DGKD: variants seen among roughly 807,000 people sequenced by gnomAD.
DGKD encodes the protein DAG kinase delta.
DGKD carries 68 observed loss-of-function variants against 154.4 expected under a neutral mutation model. The ratio of observed to expected loss-of-function variants is 0.44; its 90% CI spans 0.36 to 0.54. The LOEUF (loss-of-function observed/expected upper bound fraction) is 0.54. Ranked by LOEUF, DGKD falls within the 20% of genes least tolerant of loss-of-function variation. The pLI, the probability that DGKD is intolerant of heterozygous loss-of-function variation, is 0.00. For missense variants in DGKD, 1,343 were observed against 1,593.6 expected (o/e 0.84, Z 2.68); for synonymous variants, 693 against 638.0 (o/e 1.09, Z -1.30).
At chr2:233,414,235 G>A (rs116245835) in intron 3 of DGKD, among the ~76,000 whole-genome samples, 1,556 of 152,350 alleles carry the variant, frequency 0.01, 32 homozygotes, top group African/African-American at 0.035. Context: ...GCTACAGACT[G>A]CATTCAGGTC....
intron 18 of DGKD, among the ~76,000 whole-genome samples, chr2:233,453,824 A>G (rs2063367895): frequency 6.8e-6 from 1 of 147,964 alleles, no homozygotes; most frequent in African/African-American, 2.6e-5. Flanking sequence ...GGGTGGGGAG[A>G]AGAAACTTGA....
In DGKD at chr2:233,468,560, C is replaced by G; in HGVS notation, c.3555+7C>G. 6.2e-7 allele frequency: 1 copy of G among 1,613,440 alleles called. No homozygotes were observed. Among genetic ancestry groups the G allele is most frequent in the South Asian group, 1.1e-5 (1 of 91,066 alleles). On this transcript the variant is annotated splice_region_variant and intron_variant, in intron 29 of 29. Coordinates refer to ENST00000264057, the MANE Select transcript of DGKD (RefSeq NM_152879.3). ...GGAGCGGAGGGACCTCAAGGTACTT[C>G]CATAGGCGTCTCCCTGGAACCTGCA... is the stretch of plus-strand genomic sequence containing the variant.
chr2:233,400,110 C>T (rs956355922), intron 3 of DGKD, among the ~76,000 whole-genome samples: 7 of 152,218 alleles, frequency 4.6e-5, no homozygotes, highest in African/African-American at 1.7e-4. Flanking sequence ...TATTGCTGGC[C>T]TTTCCAGTTC....
intron 3 of DGKD, among the ~76,000 whole-genome samples, chr2:233,432,140 C>T (rs2062536214): frequency 6.9e-6 from 1 of 145,134 alleles, no homozygotes; most frequent in South Asian, 2.1e-4. Context: ...GCCTGTAATC[C>T]CAGCACTTTG....
intron 27 of DGKD, among the ~76,000 whole-genome samples, chr2:233,466,151 C>G (rs772192518): frequency 6.6e-6 from 1 of 151,040 alleles, no homozygotes; most frequent in African/African-American, 2.4e-5. Context: ...TGTTACTAGT[C>G]CTTTGAAATG....
chr2:233,403,014 T>C (rs2125489610), intron 3 of DGKD, among the ~76,000 whole-genome samples: 1 of 152,048 alleles, frequency 6.6e-6, no homozygotes, highest in South Asian at 2.1e-4. Context: ...TGGTTAGCCT[T>C]GGGAGGGGAG....
chr2:233,434,921 A>G lies in DGKD; in HGVS notation c.586+20A>G. On this transcript the variant is annotated intron_variant, in intron 5 of 29. Transcript: ENST00000264057. Reference sequence around the variant, plus strand: ...GCGAGGGTACGGATGTGCGTTTGTTATTCTGTCAGGAAAGGTGGCCTGGCA... The same window carrying G: ...GCGAGGGTACGGATGTGCGTTTGTTGTTCTGTCAGGAAAGGTGGCCTGGCA... The G allele has an allele frequency of 1.9e-6, 3 of 1,598,430 alleles. No homozygotes were observed. The highest frequency in any genetic ancestry group is 1.7e-6 in the Non-Finnish European group (2 of 1,172,182).
At chr2:233,362,063 G>T (rs755235602) in intron 1 of DGKD, among the ~76,000 whole-genome samples, 5 of 152,158 alleles carry the variant, frequency 3.3e-5, no homozygotes, top group Non-Finnish European at 7.3e-5. Flanking sequence ...CTCCCAAAGT[G>T]CTGGGATTAC....
At chr2:233,447,999 C>T in intron 12 of DGKD, 88 bp from the exon 13 acceptor site, 1 of 1,585,756 alleles carries the variant, frequency 6.3e-7, no homozygotes, top group Non-Finnish European at 8.6e-7. Flanking sequence ...CTTGTGCTGG[C>T]AAGGAAGTGG....
intron 1 of DGKD, among the ~76,000 whole-genome samples, chr2:233,356,158 C>T (rs1291965653): frequency 6.6e-6 from 1 of 152,224 alleles, no homozygotes; most frequent in Non-Finnish European, 1.5e-5. Flanking sequence ...ATAAAGAATT[C>T]ACCAGGCTAA....
intron 27 of DGKD, 142 bp downstream of exon 27, chr2:233,464,425 C>G: frequency 9.5e-7 from 1 of 1,056,786 alleles, no homozygotes; most frequent in Non-Finnish European, 1.4e-6. Context: ...CTCCAGACTT[C>G]GCTATTAAAA....
In DGKD at chr2:233,389,573, T is replaced by TA. The variant is rs34888206; in HGVS notation, c.268-815dup. On this transcript the variant is annotated intron_variant, in intron 2 of 29. Coordinates refer to ENST00000264057, the MANE Select transcript of DGKD (RefSeq NM_152879.3). ...AAGGGTTCTGACCACTTCCCTCAAT[T>TA]AAAAAAAAAAAAAAACACGACAAAA... is the stretch of plus-strand genomic sequence containing the variant. Among the ~76,000 whole-genome samples the TA allele has an allele frequency of 2.0e-3, 288 of 143,132 alleles. 1 individual carries two copies. Among genetic ancestry groups the TA allele is most frequent in the Middle Eastern group, 3.6e-3 (1 of 278 alleles). 93.9% of individuals were successfully genotyped at this position (143,132 alleles called of 152,430 possible). A position where few individuals can be genotyped will look rare whatever the true frequency, so the allele number is the denominator to read the frequency against.
Position 233,438,392 on chromosome 2 carries a change from TA to T in DGKD, c.1085+17del. The T allele has an allele frequency of 6.2e-7, 1 of 1,600,322 alleles. No individual in the cohort carries two copies. The highest frequency in any genetic ancestry group is 1.1e-5 in the South Asian group (1 of 89,520). ...GCCCACACCTCGGGTAGGAAGCTTG[TA>T]AAATATATCTTTCTTGGAGTTTTAA... On this transcript the variant is annotated intron_variant, in intron 9 of 29. Transcript: ENST00000264057. This position sits in a 1 kb window ranked among gnomAD's most constrained non-coding sequence, Gnocchi z 4.1.
chr2:233,417,325 G>A (rs556142949), intron 3 of DGKD, among the ~76,000 whole-genome samples: 6 of 152,300 alleles, frequency 3.9e-5, no homozygotes, highest in South Asian at 2.1e-4. Flanking sequence ...GAGCCCCTGC[G>A]CCTAGCCCCC....
chr2:233,411,754 AAGATTTTC>A (rs1286896351), intron 3 of DGKD, among the ~76,000 whole-genome samples: 1 of 152,134 alleles, frequency 6.6e-6, no homozygotes, highest in Non-Finnish European at 1.5e-5. Context: ...TCGGCTTGCA[AAGATTTTC>A]TTCTATAAGT....
Position 233,436,368 on chromosome 2 carries a change from G to C in DGKD, c.746G>C (p.Cys249Ser). The C allele has an allele frequency of 6.2e-7, 1 of 1,614,206 alleles. No individual in the cohort carries two copies. The highest frequency in any genetic ancestry group is 8.5e-7 in the Non-Finnish European group (1 of 1,180,036). The change falls in exon 7 of 30, where the codon TGC (cysteine) becomes TCC (serine). Residue 249 changes from cysteine to serine, a missense_variant. Transcript: ENST00000264057. The stretch of plus-strand genomic sequence containing the variant: ...GGAAACCTACCTGTGAGCGCCAAGT[G>C]CACTGTGTGCGACAAGACCTGTGGC... ...LEGNLPVSAK[C>S]TVCDKTCGSV...
chr2:233,462,273 G>C, intron 24 of DGKD, 75 bp from the exon 25 acceptor site: 4 of 1,223,830 alleles, frequency 3.3e-6, no homozygotes, highest in Non-Finnish European at 4.7e-6. Context: ...TACCTGGGCC[G>C]TGTTCAGATG....
intron 12 of DGKD, among the ~76,000 whole-genome samples, chr2:233,447,262 T>G (rs191900761): frequency 6.6e-5 from 10 of 152,346 alleles, no homozygotes. Context: ...GCTCCTCTAG[T>G]CCAGCTGGTG....
intron 27 of DGKD, among the ~76,000 whole-genome samples, chr2:233,465,124 T>C (rs1202643060): frequency 1.3e-5 from 2 of 152,206 alleles, no homozygotes; most frequent in African/African-American, 4.8e-5. Flanking sequence ...CTCCAGCCGA[T>C]GGATGAAACT....
Sources: allele counts gnomAD v4.1 joint callset (sites outside exome capture counted in the v4.1 genomes callset), GRCh38; gene constraint gnomAD v4.1.1; non-coding constraint Gnocchi (gnomAD v3.1); transcripts MANE v1.5; gene names NCBI Gene and HGNC (gene_info 2026-07-23, HGNC 2026-07-21).